GRIK2: variants seen among roughly 807,000 people sequenced by gnomAD.
GRIK2 encodes the protein glutamate receptor ionotropic, kainate 2.
GRIK2 carries 32 observed loss-of-function variants against 100.3 expected under a neutral mutation model. The observed-to-expected ratio is 0.32, with a 90% confidence interval of 0.24 to 0.43. The LOEUF (loss-of-function observed/expected upper bound fraction) is 0.43, where lower values mean the gene tolerates loss of function less well. Among genes scored for constraint, GRIK2 ranks in the 20% least tolerant of loss-of-function variants. The pLI is 1.00. For missense variants in GRIK2, 843 were observed against 1,114.9 expected (o/e 0.76, Z 3.47); for synonymous variants, 417 against 389.4 (o/e 1.07, Z -0.83).
At chr6:101,894,159 A>T (rs1332315840) in intron 12 of GRIK2, among the ~76,000 whole-genome samples, 3 of 151,614 alleles carry the variant, frequency 2.0e-5, no homozygotes, top group African/African-American at 4.8e-5. Context: ...TGTTTTTAAA[A>T]TTGGATTTAA....
At chr6:101,678,148 G>A (rs1205748026) in intron 5 of GRIK2, among the ~76,000 whole-genome samples, 2 of 151,968 alleles carry the variant, frequency 1.3e-5, no homozygotes, top group African/African-American at 4.8e-5. Context: ...CAGAGCTTTG[G>A]CTGCTTTCTC....
chr6:101,760,582 A>G (rs184973322), intron 7 of GRIK2, among the ~76,000 whole-genome samples: 14 of 63,920 alleles, frequency 2.2e-4, no homozygotes, highest in African/African-American at 1.5e-3. Flanking sequence ...AATTAATTAT[A>G]TATAATTATA....
chr6:101,886,151 T>C (rs746818708), intron 11 of GRIK2, among the ~76,000 whole-genome samples: 2 of 152,164 alleles, frequency 1.3e-5, no homozygotes, highest in African/African-American at 4.8e-5. Flanking sequence ...TGTCATATAA[T>C]TGGAATCATA....
intron 2 of GRIK2, among the ~76,000 whole-genome samples, chr6:101,537,553 T>C (rs1246466206): frequency 1.3e-5 from 2 of 151,468 alleles, no homozygotes; most frequent in Non-Finnish European, 3.0e-5. Flanking sequence ...TATTTATCTA[T>C]GTTCCAGTGT....
At chr6:101,721,606 AATAC>A (rs1217691504) in intron 7 of GRIK2, among the ~76,000 whole-genome samples, 2 of 152,024 alleles carry the variant, frequency 1.3e-5, no homozygotes, top group African/African-American at 4.8e-5. Flanking sequence ...TTGTCTGAAA[AATAC>A]ATAAATAAAT....
chr6:101,753,282 CAAAAAA>C (rs774187168), intron 7 of GRIK2, among the ~76,000 whole-genome samples: 7,235 of 70,896 alleles, frequency 0.1, 599 homozygotes, highest in African/African-American at 0.25. Flanking sequence ...GACTCCGTCT[CAAAAAA>C]AAAAAAAAAA....
intron 11 of GRIK2, among the ~76,000 whole-genome samples, chr6:101,874,921 T>C (rs1785713126): frequency 6.6e-6 from 1 of 152,152 alleles, no homozygotes. Flanking sequence ...TGTATAAGAA[T>C]GCTTGTGATT....
At chr6:101,890,158 T>A (rs925147229) in intron 12 of GRIK2, 1 of 229,720 alleles carries the variant, frequency 4.4e-6, no homozygotes, top group Non-Finnish European at 8.4e-6. Flanking sequence ...ATTGCCTCAC[T>A]TCGAAGATTT....
intron 14 of GRIK2, among the ~76,000 whole-genome samples, chr6:102,027,567 G>C (rs1188446968): frequency 6.6e-6 from 1 of 151,012 alleles, no homozygotes; most frequent in Non-Finnish European, 1.5e-5. Context: ...TGGATGTGTT[G>C]TTGTTATGAC....
At chr6:101,555,773 T>C (rs1282940997) in intron 2 of GRIK2, among the ~76,000 whole-genome samples, 1 of 152,170 alleles carries the variant, frequency 6.6e-6, no homozygotes, top group African/African-American at 2.4e-5. Context: ...TTTGATTGCA[T>C]TACTCAATTT....
intron 7 of GRIK2, among the ~76,000 whole-genome samples, chr6:101,771,524 TTTA>T (rs746340963): frequency 6.0e-5 from 9 of 151,224 alleles, no homozygotes; most frequent in South Asian, 4.1e-4. Context: ...TTTATTTTTA[TTTA>T]TTATTATTTT....
chr6:101,421,877 G>A (rs1776429937), intron 2 of GRIK2, among the ~76,000 whole-genome samples: 1 of 152,052 alleles, frequency 6.6e-6, no homozygotes, highest in African/African-American at 2.4e-5. Context: ...CCCTTCCATT[G>A]GTAACATGTT....
chr6:101,552,847 T>A (rs1378749699), intron 2 of GRIK2, among the ~76,000 whole-genome samples: 4 of 152,172 alleles, frequency 2.6e-5, no homozygotes, highest in Non-Finnish European at 5.9e-5. Context: ...GTTTCATTGG[T>A]TTTTAAAGAT....
chr6:101,438,879 A>G (rs181953732), intron 2 of GRIK2, among the ~76,000 whole-genome samples: 67 of 152,302 alleles, frequency 4.4e-4, no homozygotes, highest in African/African-American at 1.6e-3. Context: ...TTATAAGGCA[A>G]CATGCACTTT....
intron 3 of GRIK2, among the ~76,000 whole-genome samples, chr6:101,624,430 CAATT>C (rs1780330201): frequency 6.6e-6 from 1 of 152,030 alleles, no homozygotes; most frequent in African/African-American, 2.4e-5. Flanking sequence ...TATTTAAAAA[CAATT>C]TATTTAGATC....
At chr6:101,961,191 TCAATGTAACTGAGGGTTC>T (rs1792274694) in intron 14 of GRIK2, among the ~76,000 whole-genome samples, 2 of 152,222 alleles carry the variant, frequency 1.3e-5, no homozygotes, top group South Asian at 4.2e-4. Flanking sequence ...TCTTCAGGAC[TCAATGTAACTGAGGGTTC>T]CAGCAAATCC....
intron 15 of GRIK2, among the ~76,000 whole-genome samples, chr6:102,039,508 T>G (rs536869458): frequency 6.6e-6 from 1 of 151,538 alleles, no homozygotes; most frequent in African/African-American, 2.4e-5. Context: ...GCAGTTTCAT[T>G]AAGGAATGTC....
intron 7 of GRIK2, among the ~76,000 whole-genome samples, chr6:101,769,789 T>A (rs1052874500): frequency 6.6e-6 from 1 of 152,190 alleles, no homozygotes; most frequent in Non-Finnish European, 1.5e-5. Flanking sequence ...AATGGGAATA[T>A]GCACGTCAAA....
chr6:101,908,000 C>T (rs967114307), intron 12 of GRIK2, among the ~76,000 whole-genome samples: 1 of 151,428 alleles, frequency 6.6e-6, no homozygotes, highest in East Asian at 1.9e-4. Flanking sequence ...GAATGAAGAG[C>T]ACATTTCTGA....
Sources: gnomAD v4.1 joint callset for allele counts (sites outside exome capture counted in the v4.1 genomes callset) on GRCh38, gnomAD v4.1.1 for gene constraint, MANE v1.5 for transcripts, NCBI Gene and HGNC (gene_info 2026-07-23, HGNC 2026-07-21) for gene names.